The following KLHL1 variants were observed in gnomAD, a reference collection of about 807,000 sequenced individuals.
KLHL1 encodes the protein kelch like family member 1.
Under a neutral mutation model 77.7 loss-of-function variants are expected in KLHL1, and 47 were observed. The ratio of observed to expected loss-of-function variants is 0.60; its 90% CI spans 0.48 to 0.77. The LOEUF (loss-of-function observed/expected upper bound fraction) is 0.77, where lower values mean the gene tolerates loss of function less well. Among genes scored for constraint, KLHL1 ranks in the 30% least tolerant of loss-of-function variants. KLHL1 has a pLI of 0.00. For missense variants in KLHL1, 925 were observed against 910.8 expected (o/e 1.02, Z -0.20); for synonymous variants, 360 against 325.2 (o/e 1.11, Z -1.15).
At chr13:69,819,118 T>G (rs927643437) in intron 6 of KLHL1, among the ~76,000 whole-genome samples, 18 of 152,164 alleles carry the variant, frequency 1.2e-4, no homozygotes. Context: ...TAGTGTAGCT[T>G]GTCCAGTTCA....
rs193206942 is a variant in KLHL1 at position 69,959,248 on chromosome 13, G to A, written c.817+2060C>T. On this transcript the variant is annotated intron_variant, in intron 3 of 10. Coordinates refer to ENST00000377844, the MANE Select transcript of KLHL1 (RefSeq NM_020866.3). The stretch of plus-strand genomic sequence containing the variant: ...GCTGAGTATCTTTTGACCTAGTTTT[G>A]CACACAGGAAATGCAAGACTGCCAG... Among the ~76,000 whole-genome samples the A allele has an allele frequency of 1.6e-3, 249 of 152,032 alleles. 1 individual carries two copies. Among genetic ancestry groups the A allele is most frequent in the African/African-American group, 5.9e-3 (243 of 41,508 alleles).
At chr13:70,068,148 T>C (rs946903230) in intron 1 of KLHL1, among the ~76,000 whole-genome samples, 1 of 151,712 alleles carries the variant, frequency 6.6e-6, no homozygotes, top group Admixed American at 6.6e-5. Context: ...GAGACCATCC[T>C]GGCTAACACG....
chr13:69,996,913 T>A (rs1885169357), intron 1 of KLHL1, among the ~76,000 whole-genome samples: 1 of 63,772 alleles, frequency 1.6e-5, no homozygotes. Flanking sequence ...TCATTAAATT[T>A]TTTTTTTTTT....
At chr13:69,948,868 A>G (rs746443607) in intron 3 of KLHL1, among the ~76,000 whole-genome samples, 6 of 151,912 alleles carry the variant, frequency 3.9e-5, no homozygotes, top group African/African-American at 9.7e-5. Flanking sequence ...AAGTGCAAAA[A>G]CTGCCTATAA....
intron 5 of KLHL1, among the ~76,000 whole-genome samples, chr13:69,847,528 T>C (rs1211691448): frequency 6.6e-6 from 1 of 151,382 alleles, no homozygotes; most frequent in Non-Finnish European, 1.5e-5. Context: ...GAAGGCAATA[T>C]TGAATAAATA....
chr13:70,001,581 G>GTCCATCTATCTA (rs1885288767), intron 1 of KLHL1, among the ~76,000 whole-genome samples: 1 of 146,734 alleles, frequency 6.8e-6, no homozygotes, highest in African/African-American at 2.5e-5. Context: ...TGATCTATGT[G>GTCCATCTATCTA]TCTATCTATC....
intron 3 of KLHL1, among the ~76,000 whole-genome samples, chr13:69,942,836 A>C (rs932795185): frequency 6.6e-6 from 1 of 152,156 alleles, no homozygotes; most frequent in Non-Finnish European, 1.5e-5. Flanking sequence ...TATATTTGCT[A>C]TGACATACAC....
chr13:69,894,156 T>G (rs1008103901), intron 4 of KLHL1: 24 of 152,516 alleles, frequency 1.6e-4, no homozygotes, highest in African/African-American at 5.6e-4. Flanking sequence ...TTGTGTTACT[T>G]TTATTCTATG....
At chr13:69,764,593 G>A (rs1875180857) in intron 7 of KLHL1, among the ~76,000 whole-genome samples, 2 of 152,122 alleles carry the variant, frequency 1.3e-5, no homozygotes, top group Non-Finnish European at 2.9e-5. Context: ...GTATGTAAGA[G>A]TTCCAAGAAA....
intron 1 of KLHL1, among the ~76,000 whole-genome samples, chr13:70,012,740 C>T (rs1885565656): frequency 6.6e-6 from 1 of 151,882 alleles, no homozygotes; most frequent in Non-Finnish European, 1.5e-5. Context: ...GAAACCCCGT[C>T]TCTACTAAAA....
chr13:69,961,467 T>C, intron 2 of KLHL1, 23 bp from the exon 3 acceptor site: 1 of 1,611,622 alleles, frequency 6.2e-7, no homozygotes, highest in South Asian at 1.1e-5. Context: ...CAGGTTCTAA[T>C]TTAGGTCGTG....
At chr13:69,827,473 T>C (rs1878591337) in intron 6 of KLHL1, among the ~76,000 whole-genome samples, 1 of 152,052 alleles carries the variant, frequency 6.6e-6, no homozygotes, top group Non-Finnish European at 1.5e-5. Flanking sequence ...GGCTCACGCC[T>C]GTAATCCCAG....
chr13:69,916,602 A>T (rs1882448913), intron 4 of KLHL1, among the ~76,000 whole-genome samples: 1 of 151,858 alleles, frequency 6.6e-6, no homozygotes, highest in African/African-American at 2.4e-5. Context: ...GAGTGGGGGG[A>T]AGGGGGAGGG....
At chr13:70,085,575 C>A (rs1887515636) in intron 1 of KLHL1, among the ~76,000 whole-genome samples, 1 of 152,050 alleles carries the variant, frequency 6.6e-6, no homozygotes, top group Admixed American at 6.6e-5. Context: ...TTTACAAACA[C>A]TGAATGGGCT....
At chr13:70,090,064 A>G (rs953896663) in intron 1 of KLHL1, among the ~76,000 whole-genome samples, 9 of 152,122 alleles carry the variant, frequency 5.9e-5, no homozygotes, top group African/African-American at 2.2e-4. Context: ...ATAGAATCCT[A>G]ACTCTGTTTT....
chr13:69,975,819 C>T lies in KLHL1; in HGVS notation c.498-17G>A, dbSNP rs759856731. 6.5e-7 allele frequency: 1 copy of T among 1,536,010 alleles called. No homozygotes were observed. Among genetic ancestry groups the T allele is most frequent in the Non-Finnish European group, 8.7e-7 (1 of 1,148,980 alleles). ...GATGACAGCCTATAAACCACACACA[C>T]ACACACACACACACAAAATAATAAA... On this transcript the variant is annotated splice_polypyrimidine_tract_variant and intron_variant, in intron 1 of 10. Coordinates refer to ENST00000377844, the MANE Select transcript of KLHL1 (RefSeq NM_020866.3).
At chr13:69,912,442 C>T (rs961134741) in intron 4 of KLHL1, among the ~76,000 whole-genome samples, 3 of 152,176 alleles carry the variant, frequency 2.0e-5, no homozygotes, top group African/African-American at 7.2e-5. Flanking sequence ...CTACTCCTTG[C>T]AATGACAAAC....
intron 5 of KLHL1, among the ~76,000 whole-genome samples, chr13:69,860,188 C>T (rs1880081999): frequency 6.6e-6 from 1 of 152,034 alleles, no homozygotes; most frequent in African/African-American, 2.4e-5. Flanking sequence ...CAGTACTACA[C>T]TAGGTACAAT....
chr13:69,839,418 A>G (rs1430863045), intron 5 of KLHL1, among the ~76,000 whole-genome samples: 1 of 151,902 alleles, frequency 6.6e-6, no homozygotes, highest in East Asian at 1.9e-4. Context: ...ACTTATAGTG[A>G]TCAGCTTTTC....
Sources: gnomAD v4.1 joint callset for allele counts (sites outside exome capture counted in the v4.1 genomes callset) on GRCh38, gnomAD v4.1.1 for gene constraint, MANE v1.5 for transcripts, NCBI Gene and HGNC (gene_info 2026-07-23, HGNC 2026-07-21) for gene names.